The following PCMTD1 variants were observed in gnomAD, a reference collection of about 807,000 sequenced individuals.
The protein encoded by PCMTD1 is protein-L-isoaspartate O-methyltransferase domain-containing protein 1.
In PCMTD1, 12 loss-of-function variants were observed where a neutral mutation model predicts 37.6. The observed-to-expected ratio is 0.32, with a 90% CI of 0.20 to 0.52. The LOEUF (loss-of-function observed/expected upper bound fraction) is 0.52. PCMTD1 is among the 20% of genes least tolerant of loss of function. The probability of loss-of-function intolerance (pLI) is 0.97; values close to 1 mark genes in which losing one functional copy is unlikely to be tolerated. For synonymous variants in PCMTD1, 117 were observed against 135.8 expected, an observed-to-expected ratio of 0.86 and a Z score of 0.96; for missense variants, 235 against 421.3, an observed-to-expected ratio of 0.56 and a Z score of 3.87.
At chr8:51,890,817 C>G (rs572132892) in intron 1 of PCMTD1, among the ~76,000 whole-genome samples, 49 of 152,300 alleles carry the variant, frequency 3.2e-4, no homozygotes, top group Admixed American at 2.5e-3. Flanking sequence ...ACACCACTTC[C>G]TAGCACAGAT....
chr8:51,833,797 A>T, intron 3 of PCMTD1, 108 bp from the exon 4 acceptor site: 1 of 711,748 alleles, frequency 1.4e-6, no homozygotes, highest in Non-Finnish European at 2.2e-6. Flanking sequence ...ATTAATTATA[A>T]GGATAAAATG....
chr8:51,851,987 C>G (rs1475112291), intron 2 of PCMTD1, among the ~76,000 whole-genome samples: 4 of 152,194 alleles, frequency 2.6e-5, no homozygotes, highest in African/African-American at 9.7e-5. Context: ...CCCTGGAAGA[C>G]ATTTTCATCA....
At chr8:51,849,743 A>C (rs2038277938) in intron 2 of PCMTD1, 1 of 251,932 alleles carries the variant, frequency 4.0e-6, no homozygotes, top group Non-Finnish European at 7.6e-6. Flanking sequence ...ATCATTTACC[A>C]ATTAGTCAAG....
intron 1 of PCMTD1, chr8:51,895,934 A>ATTTTTT (rs1563367741): frequency 8.6e-6 from 1 of 116,670 alleles, no homozygotes. Context: ...TATTTGTCCC[A>ATTTTTT]TTTCTTTTTT....
chr8:51,827,179 C>T, intron 5 of PCMTD1: 10 of 1,062,702 alleles, frequency 9.4e-6, no homozygotes, highest in Non-Finnish European at 1.2e-5. Flanking sequence ...TATTTTCATG[C>T]TCTGAATATT....
chr8:51,879,018 C>G (rs559738269), intron 1 of PCMTD1, among the ~76,000 whole-genome samples: 1 of 151,856 alleles, frequency 6.6e-6, no homozygotes, highest in Non-Finnish European at 1.5e-5. Flanking sequence ...CCCAGCGACT[C>G]GGAACTCTGA....
intron 1 of PCMTD1, among the ~76,000 whole-genome samples, chr8:51,885,778 G>T (rs140374258): frequency 6.6e-6 from 1 of 152,046 alleles, no homozygotes; most frequent in Non-Finnish European, 1.5e-5. Context: ...CACCACAGAA[G>T]AGTGGTAACT....
intron 2 of PCMTD1, among the ~76,000 whole-genome samples, chr8:51,850,680 T>C (rs1338861279): frequency 6.6e-6 from 1 of 152,232 alleles, no homozygotes; most frequent in East Asian, 1.9e-4. Context: ...TAAAACTAAA[T>C]ATTCACCACA....
chr8:51,860,402 C>G (rs1585825241), intron 2 of PCMTD1: 1 of 156,400 alleles, frequency 6.4e-6, no homozygotes, highest in Non-Finnish European at 1.4e-5. Context: ...ATACTTCTTT[C>G]TTCTCTATTT....
chr8:51,879,438 C>T (rs1349147501), intron 1 of PCMTD1, among the ~76,000 whole-genome samples: 1 of 152,118 alleles, frequency 6.6e-6, no homozygotes, highest in Non-Finnish European at 1.5e-5. Context: ...TCAGTATATT[C>T]GTGTTCATGA....
chr8:51,825,957 G>A (rs1246188435), intron 5 of PCMTD1, among the ~76,000 whole-genome samples: 5 of 152,102 alleles, frequency 3.3e-5, no homozygotes, highest in Non-Finnish European at 7.3e-5. Flanking sequence ...ACAGTGTGGC[G>A]ATTCCTCAAG....
In PCMTD1 at chr8:51,825,651, G is replaced by A. The variant is rs1483055931; in HGVS notation, c.707-4933C>T. 4.8e-3 allele frequency among the ~76,000 whole-genome samples: 297 copies of A among 62,430 alleles called. 34 individuals carry two copies. The highest frequency in any genetic ancestry group is 8.9e-3 in the African/African-American group (275 of 31,040). 41.0% of individuals were successfully genotyped at this position (62,430 alleles called of 152,430 possible). A position where few individuals can be genotyped will look rare whatever the true frequency, so the allele number is the denominator to read the frequency against. On this transcript the variant is annotated intron_variant, in intron 5 of 5. Coordinates refer to ENST00000522514, the MANE Select transcript of PCMTD1 (RefSeq NM_052937.4). ...GGAGCTTGCAGTGAGCCGAGATTGC[G>A]CCACTGCAGTCCGCAGTCCGGCCTG... is the stretch of plus-strand genomic sequence containing the variant.
intron 2 of PCMTD1, among the ~76,000 whole-genome samples, chr8:51,846,082 T>A (rs1432798958): frequency 6.6e-6 from 1 of 152,186 alleles, no homozygotes; most frequent in Non-Finnish European, 1.5e-5. Context: ...TATTTCTAAG[T>A]GAAGTTTAAG....
At chr8:51,871,845 CTA>C (rs1003353959) in intron 1 of PCMTD1, among the ~76,000 whole-genome samples, 1 of 152,174 alleles carries the variant, frequency 6.6e-6, no homozygotes, top group Non-Finnish European at 1.5e-5. Flanking sequence ...ATTCTCTTGA[CTA>C]TCTTTCTTCC....
chr8:51,876,814 T>C (rs538085487), intron 1 of PCMTD1, among the ~76,000 whole-genome samples: 6 of 152,134 alleles, frequency 3.9e-5, no homozygotes, highest in Admixed American at 2.0e-4. Flanking sequence ...AACAAATAAG[T>C]TGGGGGAGAA....
At chr8:51,870,030 G>A (rs1467174184) in intron 1 of PCMTD1, among the ~76,000 whole-genome samples, 1 of 152,158 alleles carries the variant, frequency 6.6e-6, no homozygotes, top group Admixed American at 6.5e-5. Context: ...GCAGTTTAAG[G>A]ATGCCTTCTG....
chr8:51,873,272 C>A (rs941903580), intron 1 of PCMTD1, among the ~76,000 whole-genome samples: 1 of 152,032 alleles, frequency 6.6e-6, no homozygotes, highest in African/African-American at 2.4e-5. Context: ...ATTTCCCATA[C>A]AATAAAGGGA....
intron 2 of PCMTD1, chr8:51,848,914 A>G (rs780465825): frequency 1.3e-5 from 2 of 149,950 alleles, no homozygotes; most frequent in Non-Finnish European, 3.0e-5. Flanking sequence ...AAAGTAAATT[A>G]AAAAGAAAAA....
chr8:51,835,802 GA>G (rs2038059475), intron 3 of PCMTD1, among the ~76,000 whole-genome samples: 1 of 152,104 alleles, frequency 6.6e-6, no homozygotes, highest in Non-Finnish European at 1.5e-5. Context: ...TACTGCCAAG[GA>G]AATCACCATT....
Sources: gnomAD v4.1 joint callset for allele counts (sites outside exome capture counted in the v4.1 genomes callset) on GRCh38, gnomAD v4.1.1 for gene constraint, MANE v1.5 for transcripts, NCBI Gene and HGNC (gene_info 2026-07-23, HGNC 2026-07-21) for gene names.